The following CEP128 variants were observed in gnomAD, a reference collection of about 807,000 sequenced individuals.
CEP128 encodes centrosomal protein 128.
A neutral mutation model predicts 156.7 loss-of-function variants in CEP128; 132 were observed. The ratio of observed to expected loss-of-function variants is 0.84; its 90% CI spans 0.73 to 0.97. The LOEUF (loss-of-function observed/expected upper bound fraction) is 0.97. Ranked by LOEUF, CEP128 falls within the 50% of genes least tolerant of loss-of-function variation. The probability of loss-of-function intolerance (pLI) is 0.00; values close to 1 mark genes in which losing one functional copy is unlikely to be tolerated. For synonymous variants in CEP128, 469 were observed against 448.9 expected, an observed-to-expected ratio of 1.04 and a Z score of -0.57; for missense variants, 1,252 against 1,281.9, an observed-to-expected ratio of 0.98 and a Z score of 0.36.
intron 5 of CEP128, chr14:80,905,694 A>G: frequency 3.3e-6 from 1 of 305,292 alleles, no homozygotes. Context: ...ATTCTTTGGC[A>G]GCAGACAATT....
intron 19 of CEP128, among the ~76,000 whole-genome samples, chr14:80,640,191 C>G (rs984638905): frequency 6.6e-6 from 1 of 152,162 alleles, no homozygotes; most frequent in African/African-American, 2.4e-5. Flanking sequence ...AGGACACACT[C>G]TCATCTTTCT....
intron 19 of CEP128, among the ~76,000 whole-genome samples, chr14:80,729,053 G>T (rs1441235809): frequency 5.9e-5 from 7 of 118,654 alleles, no homozygotes; most frequent in Non-Finnish European, 1.1e-4. Flanking sequence ...GGCTGGGCTG[G>T]TGGGGGTGTG....
intron 19 of CEP128, among the ~76,000 whole-genome samples, chr14:80,741,556 C>G (rs937949052): frequency 6.6e-6 from 1 of 152,124 alleles, no homozygotes; most frequent in Non-Finnish European, 1.5e-5. Flanking sequence ...TATAGCAGCA[C>G]TCAGTGATGG....
chr14:80,820,515 A>G (rs1356023746), intron 13 of CEP128, among the ~76,000 whole-genome samples: 2 of 152,236 alleles, frequency 1.3e-5, no homozygotes, highest in African/African-American at 4.8e-5. Context: ...GAGCATCCCA[A>G]TCGTGAAATC....
At chr14:80,946,348 A>ATCATGATGATGCC (rs1350960403), upstream of CEP128, among the ~76,000 whole-genome samples, 1,085 of 137,798 alleles carry the variant, frequency 7.9e-3, 10 homozygotes, top group Middle Eastern at 0.024. Context: ...CTCATGATGC[A>ATCATGATGATGCC]TCATGATGAT....
intron 19 of CEP128, among the ~76,000 whole-genome samples, chr14:80,663,506 T>C (rs892699944): frequency 3.3e-5 from 5 of 152,206 alleles, no homozygotes; most frequent in Non-Finnish European, 7.3e-5. Flanking sequence ...CTAGATCTGA[T>C]AATTTGCTAT....
At chr14:80,824,258 T>C (rs963519947) in intron 13 of CEP128, among the ~76,000 whole-genome samples, 3 of 152,206 alleles carry the variant, frequency 2.0e-5, no homozygotes, top group Non-Finnish European at 4.4e-5. Flanking sequence ...GGGCTTGTGA[T>C]GGGAGGGGCT....
At chr14:80,552,283 C>T (rs1890241004) in intron 21 of CEP128, among the ~76,000 whole-genome samples, 1 of 150,024 alleles carries the variant, frequency 6.7e-6, no homozygotes, top group Admixed American at 6.7e-5. Context: ...CACCTCCAGC[C>T]TGGGTGACAG....
At chr14:80,577,949 G>A (rs926010125) in intron 20 of CEP128, among the ~76,000 whole-genome samples, 7 of 151,932 alleles carry the variant, frequency 4.6e-5, no homozygotes, top group African/African-American at 1.7e-4. Context: ...CTAACTCCTA[G>A]TTATCATTCC....
intron 2 of CEP128, among the ~76,000 whole-genome samples, chr14:80,930,349 A>C (rs867188827): frequency 1.3e-5 from 2 of 152,056 alleles, no homozygotes; most frequent in Non-Finnish European, 1.5e-5. Flanking sequence ...CCATTATTTT[A>C]TTTACCACTT....
intron 19 of CEP128, among the ~76,000 whole-genome samples, chr14:80,591,416 C>T (rs1190141552): frequency 6.6e-6 from 1 of 151,928 alleles, no homozygotes; most frequent in Non-Finnish European, 1.5e-5. Context: ...CAAAGAAGGG[C>T]ATTACATAAT....
chr14:80,862,723 A>G (rs771266811), intron 9 of CEP128, 34 bp downstream of exon 9: 8 of 1,365,072 alleles, frequency 5.9e-6, no homozygotes, highest in Non-Finnish European at 8.4e-6. Context: ...TCCAAATTCA[A>G]GATTTACATT....
chr14:80,931,750 G>A (rs1291019202), intron 2 of CEP128, among the ~76,000 whole-genome samples: 6 of 152,192 alleles, frequency 3.9e-5, no homozygotes, highest in Non-Finnish European at 7.3e-5. Context: ...GATGCATTCA[G>A]AGAAAACTAG....
chr14:80,743,062 A>G lies in CEP128; in HGVS notation c.2806+13T>C, dbSNP rs774036670. The G allele has an allele frequency of 1.2e-6, 2 of 1,610,854 alleles. No homozygotes were observed. Among genetic ancestry groups the G allele is most frequent in the South Asian group, 1.1e-5 (1 of 90,896 alleles). ...TATAAACAAAGAAAAATGAAAGAACAACTAACACACACCTCTCTTCTCACG... is the reference window on the plus strand; with the variant it reads ...TATAAACAAAGAAAAATGAAAGAACGACTAACACACACCTCTCTTCTCACG... On this transcript the variant is annotated intron_variant, in intron 19 of 24. Coordinates refer to ENST00000555265, the MANE Select transcript of CEP128 (RefSeq NM_152446.5).
At chr14:80,733,919 A>G (rs1367233282) in intron 19 of CEP128, among the ~76,000 whole-genome samples, 1 of 152,208 alleles carries the variant, frequency 6.6e-6, no homozygotes, top group African/African-American at 2.4e-5. Context: ...GTTAGAGGAC[A>G]TAGATAATTT....
chr14:80,756,919 G>A lies in CEP128; in HGVS notation c.2586C>T (p.Asp862=). The change falls in exon 18 of 25, where the codon GAC becomes GAT. Residue 862 remains aspartate (D), a synonymous_variant. Coordinates refer to ENST00000555265, the MANE Select transcript of CEP128 (RefSeq NM_152446.5). ...TGCTTTCTGCTAACCAGCGATGTGGGTCATAATGTATATCAGGACCAGATG... is the reference window on the plus strand; with the variant it reads ...TGCTTTCTGCTAACCAGCGATGTGGATCATAATGTATATCAGGACCAGATG... ...VFSSGPDIHY[D]PHRWLAESKT... 1 of 1,600,986 alleles carries A rather than the reference G, an allele frequency of 6.2e-7. No individual in the cohort carries two copies. Among genetic ancestry groups the A allele is most frequent in the Non-Finnish European group, 8.5e-7 (1 of 1,170,008 alleles).
chr14:80,717,309 C>T (rs1897643128), intron 19 of CEP128, among the ~76,000 whole-genome samples: 1 of 151,824 alleles, frequency 6.6e-6, no homozygotes, highest in African/African-American at 2.4e-5. Flanking sequence ...GGAATACTCC[C>T]AAAAAAAGAA....
chr14:80,647,009 ATATGTGTGTG>A (rs1894663100), intron 19 of CEP128, among the ~76,000 whole-genome samples: 4 of 121,648 alleles, frequency 3.3e-5, no homozygotes, highest in African/African-American at 1.1e-4. Flanking sequence ...ATATATATAT[ATATGTGTGTG>A]TATATATATG....
intron 19 of CEP128, among the ~76,000 whole-genome samples, chr14:80,715,373 G>A (rs1472743302): frequency 6.6e-6 from 1 of 152,076 alleles, no homozygotes; most frequent in Non-Finnish European, 1.5e-5. Flanking sequence ...TCTCCCACAA[G>A]TCAGTCAGGT....
Sources: allele counts gnomAD v4.1 joint callset (sites outside exome capture counted in the v4.1 genomes callset), GRCh38; gene constraint gnomAD v4.1.1; transcripts MANE v1.5; gene names NCBI Gene and HGNC (gene_info 2026-07-23, HGNC 2026-07-21).